FUT8: variants seen among roughly 807,000 people sequenced by gnomAD.
The protein encoded by FUT8 is alpha-(1,6)-fucosyltransferase.
FUT8 carries 29 observed loss-of-function variants against 71.3 expected under a neutral mutation model. The ratio of observed to expected loss-of-function variants is 0.41; its 90% CI spans 0.30 to 0.55. The LOEUF (loss-of-function observed/expected upper bound fraction) is 0.55. FUT8 is among the 20% of genes least tolerant of loss of function. FUT8 has a pLI of 0.34. For missense variants in FUT8, 544 were observed against 702.1 expected, an observed-to-expected ratio of 0.77 and a Z score of 2.55; for synonymous variants, 254 against 239.3, an observed-to-expected ratio of 1.06 and a Z score of -0.57.
chr14:65,707,651 G>T (rs1894617055), intron 7 of FUT8, among the ~76,000 whole-genome samples: 3 of 151,982 alleles, frequency 2.0e-5, no homozygotes, highest in Admixed American at 2.0e-4. Flanking sequence ...ATTTTGAGTT[G>T]ATTTTTATAT....
At chr14:65,648,632 CTT>C (rs1260686389) in intron 6 of FUT8, among the ~76,000 whole-genome samples, 1 of 152,148 alleles carries the variant, frequency 6.6e-6, no homozygotes, top group East Asian at 1.9e-4. Context: ...ACAATGATGT[CTT>C]TTTAAATATT....
chr14:65,655,991 A>G (rs1191729101), intron 6 of FUT8, among the ~76,000 whole-genome samples: 1 of 127,418 alleles, frequency 7.8e-6, no homozygotes, highest in Non-Finnish European at 1.7e-5. Context: ...CAACAGACCC[A>G]TAACTAGTAC....
intron 2 of FUT8, among the ~76,000 whole-genome samples, chr14:65,475,539 G>C (rs1448304167): frequency 6.6e-6 from 1 of 152,034 alleles, no homozygotes; most frequent in Admixed American, 6.5e-5. Context: ...AGGATTTTGA[G>C]ACCAGCCTGG....
At chr14:65,601,666 TCTGAATAAA>T (rs1888293196) in intron 3 of FUT8, among the ~76,000 whole-genome samples, 1 of 152,176 alleles carries the variant, frequency 6.6e-6, no homozygotes. Flanking sequence ...GTTAATTTCT[TCTGAATAAA>T]AGACATGCTA....
intron 2 of FUT8, among the ~76,000 whole-genome samples, chr14:65,463,982 G>C (rs1014410838): frequency 2.6e-5 from 4 of 152,164 alleles, no homozygotes; most frequent in Non-Finnish European, 5.9e-5. Flanking sequence ...GGCTCCCCCA[G>C]CCACCCCTGC....
chr14:65,713,110 C>T (rs537429356), intron 7 of FUT8, among the ~76,000 whole-genome samples: 2 of 152,248 alleles, frequency 1.3e-5, no homozygotes, highest in South Asian at 4.1e-4. Flanking sequence ...TCCAAGATTT[C>T]AATTGTGTTA....
chr14:65,462,919 C>G (rs148896863), intron 2 of FUT8, among the ~76,000 whole-genome samples: 3,712 of 152,176 alleles, frequency 0.024, 140 homozygotes, highest in African/African-American at 0.085. Context: ...AACCATATAC[C>G]AGGGGGAGAT....
chr14:65,651,308 ACC>A (rs1891397037), intron 6 of FUT8, among the ~76,000 whole-genome samples: 1 of 152,212 alleles, frequency 6.6e-6, no homozygotes, highest in Non-Finnish European at 1.5e-5. Flanking sequence ...GCTGTGTTAT[ACC>A]ACCCAGGTTT....
chr14:65,712,144 G>A (rs957602320), intron 7 of FUT8, among the ~76,000 whole-genome samples: 3 of 152,116 alleles, frequency 2.0e-5, no homozygotes, highest in African/African-American at 7.2e-5. Context: ...ATTTAACTTA[G>A]TACATTTTAT....
At chr14:65,685,342 A>G (rs972610206) in intron 7 of FUT8, among the ~76,000 whole-genome samples, 1 of 152,154 alleles carries the variant, frequency 6.6e-6, no homozygotes, top group African/African-American at 2.4e-5. Flanking sequence ...AATGCAGTCA[A>G]CTCTCTAAAT....
At chr14:65,573,596 G>A (rs752590131) in intron 3 of FUT8, among the ~76,000 whole-genome samples, 1 of 152,034 alleles carries the variant, frequency 6.6e-6, no homozygotes, top group Non-Finnish European at 1.5e-5. Flanking sequence ...AGTGGCACAA[G>A]CCTGTAGTCC....
At chr14:65,699,493 G>C (rs1894177786) in intron 7 of FUT8, among the ~76,000 whole-genome samples, 1 of 152,172 alleles carries the variant, frequency 6.6e-6, no homozygotes, top group Admixed American at 6.5e-5. Context: ...AGGGACTCTA[G>C]TTTACATGGA....
intron 2 of FUT8, among the ~76,000 whole-genome samples, chr14:65,466,547 C>T (rs1046962346): frequency 6.6e-6 from 1 of 152,076 alleles, no homozygotes; most frequent in East Asian, 1.9e-4. Context: ...GTCAGGAGTT[C>T]GAGACTAGCC....
intron 2 of FUT8, among the ~76,000 whole-genome samples, chr14:65,553,290 C>T (rs1885393305): frequency 6.6e-6 from 1 of 152,040 alleles, no homozygotes; most frequent in Admixed American, 6.5e-5. Context: ...AATAATATAG[C>T]AGTTCATGTG....
At chr14:65,492,982 C>T (rs1448138664) in intron 2 of FUT8, among the ~76,000 whole-genome samples, 1 of 152,028 alleles carries the variant, frequency 6.6e-6, no homozygotes, top group Non-Finnish European at 1.5e-5. Context: ...CATCTCTCTC[C>T]CTGCCATAAG....
At chr14:65,630,031 T>C (rs1890105070) in intron 6 of FUT8, among the ~76,000 whole-genome samples, 1 of 152,160 alleles carries the variant, frequency 6.6e-6, no homozygotes, top group Admixed American at 6.5e-5. Context: ...AGGAAAAGAA[T>C]GTACCAGCTG....
At chr14:65,661,542 C>G (rs759531415) in intron 6 of FUT8, among the ~76,000 whole-genome samples, 4 of 152,104 alleles carry the variant, frequency 2.6e-5, no homozygotes, top group African/African-American at 7.2e-5. Flanking sequence ...AGTAGTAACT[C>G]TGGGCAGGTG....
At chr14:65,614,502 C>G (rs1889177297) in intron 3 of FUT8, among the ~76,000 whole-genome samples, 1 of 152,152 alleles carries the variant, frequency 6.6e-6, no homozygotes, top group South Asian at 2.1e-4. Flanking sequence ...GGCCAGAGAT[C>G]TGAATTGAGT....
chr14:65,487,283 G>T (rs115137068), intron 2 of FUT8, among the ~76,000 whole-genome samples: 3,667 of 152,208 alleles, frequency 0.024, 136 homozygotes, highest in African/African-American at 0.084. Context: ...GAATGTTGGG[G>T]CTGGGCATGG....
Sources: gnomAD v4.1 joint callset for allele counts (sites outside exome capture counted in the v4.1 genomes callset) on GRCh38, gnomAD v4.1.1 for gene constraint, MANE v1.5 for transcripts, NCBI Gene and HGNC (gene_info 2026-07-23, HGNC 2026-07-21) for gene names.